RANBP17: variants seen among roughly 807,000 people sequenced by gnomAD.
RANBP17 encodes RAN binding protein 17, also known as ran-binding protein 17.
RANBP17 carries 158 observed loss-of-function variants against 141.2 expected under a neutral mutation model. That is an observed-to-expected ratio of 1.12 (90% confidence interval 0.98 to 1.28). The LOEUF is 1.28. Among genes scored for constraint, RANBP17 ranks in the 50% most tolerant of loss-of-function variants. The pLI is 0.00. For missense variants in RANBP17, 1,438 were observed against 1,290.7 expected (o/e 1.11, Z -1.75); for synonymous variants, 430 against 450.0 (o/e 0.96, Z 0.56).
intron 9 of RANBP17, 83 bp downstream of exon 9, chr5:170,916,667 A>C: frequency 1.2e-6 from 1 of 834,072 alleles, no homozygotes; most frequent in South Asian, 2.9e-5. Context: ...TCATGAATTT[A>C]TTATGATTCT....
chr5:171,209,029 T>C (rs972620144), intron 20 of RANBP17, among the ~76,000 whole-genome samples: 6 of 152,178 alleles, frequency 3.9e-5, no homozygotes, highest in African/African-American at 1.4e-4. Flanking sequence ...GTTTCTTATT[T>C]ACATAAATTA....
chr5:170,941,911 C>A (rs1774352682), intron 12 of RANBP17, among the ~76,000 whole-genome samples: 1 of 152,192 alleles, frequency 6.6e-6, no homozygotes, highest in African/African-American at 2.4e-5. Flanking sequence ...TGAACCGTCA[C>A]ATGTGTCCTC....
At chr5:171,263,638 C>G (rs893657016) in intron 24 of RANBP17, among the ~76,000 whole-genome samples, 1 of 152,190 alleles carries the variant, frequency 6.6e-6, no homozygotes, top group Non-Finnish European at 1.5e-5. Context: ...CTCTGTTGGC[C>G]TTCTCTTACA....
At chr5:170,880,293 C>G (rs1036905670) in intron 2 of RANBP17, among the ~76,000 whole-genome samples, 1 of 152,208 alleles carries the variant, frequency 6.6e-6, no homozygotes, top group Non-Finnish European at 1.5e-5. Context: ...CTCATCAAGA[C>G]TTAAGGAGAA....
chr5:171,223,660 A>G (rs746129691), intron 22 of RANBP17, among the ~76,000 whole-genome samples: 1 of 152,192 alleles, frequency 6.6e-6, no homozygotes, highest in Non-Finnish European at 1.5e-5. Context: ...AAATAAAATC[A>G]TATAAAGTGG....
chr5:171,240,468 A>G (rs1450328540), intron 22 of RANBP17, among the ~76,000 whole-genome samples: 2 of 152,198 alleles, frequency 1.3e-5, no homozygotes, highest in African/African-American at 4.8e-5. Context: ...CTAAAAATGA[A>G]GTAACTCAAG....
At chr5:170,954,672 AT>A (rs543967649) in intron 13 of RANBP17, among the ~76,000 whole-genome samples, 37 of 151,610 alleles carry the variant, frequency 2.4e-4, no homozygotes, top group African/African-American at 8.0e-4. Flanking sequence ...TTGTTCCTCA[AT>A]TTTTTTTATT....
At chr5:171,050,688 TA>T (rs113902744) in intron 14 of RANBP17, among the ~76,000 whole-genome samples, 11 of 149,742 alleles carry the variant, frequency 7.3e-5, no homozygotes, top group Non-Finnish European at 8.9e-5. Flanking sequence ...GACCCTATCT[TA>T]AAAAAAAAAT....
At chr5:170,959,927 C>T (rs970510420) in intron 13 of RANBP17, among the ~76,000 whole-genome samples, 2 of 152,162 alleles carry the variant, frequency 1.3e-5, no homozygotes, top group African/African-American at 2.4e-5. Context: ...ATAAGTGGAC[C>T]TGCACAGTTC....
At chr5:171,038,163 TG>T (rs759285519) in intron 14 of RANBP17, among the ~76,000 whole-genome samples, 1,140 of 17,248 alleles carry the variant, frequency 0.066, 4 homozygotes, top group Admixed American at 0.16. Context: ...TCTTAGGTAT[TG>T]TGTGTGTGTG....
At chr5:171,048,695 A>G (rs1328196115) in intron 14 of RANBP17, among the ~76,000 whole-genome samples, 2 of 151,520 alleles carry the variant, frequency 1.3e-5, no homozygotes, top group African/African-American at 4.9e-5. Flanking sequence ...TGTGTACTCA[A>G]TGTTTAGCTT....
intron 14 of RANBP17, among the ~76,000 whole-genome samples, chr5:171,150,372 A>T (rs1256691202): frequency 6.6e-6 from 1 of 152,088 alleles, no homozygotes. Context: ...TGATAACACT[A>T]ATAACAGATT....
chr5:171,006,242 CT>C (rs1385432459), intron 14 of RANBP17, among the ~76,000 whole-genome samples: 3 of 152,324 alleles, frequency 2.0e-5, no homozygotes, highest in South Asian at 4.1e-4. Context: ...CATCCCATTA[CT>C]GGGTATATAC....
intron 26 of RANBP17, among the ~76,000 whole-genome samples, chr5:171,295,058 A>C (rs1326423566): frequency 6.6e-6 from 1 of 152,218 alleles, no homozygotes; most frequent in Non-Finnish European, 1.5e-5. Context: ...GTCTGACTAC[A>C]TATTAATTAT....
At chr5:170,874,135 G>T (rs556338738) in intron 1 of RANBP17, among the ~76,000 whole-genome samples, 1 of 152,198 alleles carries the variant, frequency 6.6e-6, no homozygotes, top group African/African-American at 2.4e-5. Context: ...GTTAATTTCT[G>T]TGTAGTTGTG....
intron 14 of RANBP17, among the ~76,000 whole-genome samples, chr5:171,075,429 GA>G (rs1351476189): frequency 6.6e-6 from 1 of 152,080 alleles, no homozygotes; most frequent in Non-Finnish European, 1.5e-5. Context: ...AATGATAAAT[GA>G]AATAAGTCAC....
intron 14 of RANBP17, among the ~76,000 whole-genome samples, chr5:171,118,282 C>G (rs1196760044): frequency 6.6e-6 from 1 of 152,084 alleles, no homozygotes; most frequent in African/African-American, 2.4e-5. Context: ...AGTACCATAC[C>G]GTTTAGCTTA....
rs769532187 is a variant in RANBP17 at position 171,213,640 on chromosome 5, G to A, written c.2241G>A (p.Thr747=). The change falls in exon 21 of 28, where the codon ACG becomes ACA. Residue 747 remains threonine, a synonymous_variant. Coordinates refer to ENST00000523189, the MANE Select transcript of RANBP17 (RefSeq NM_022897.5). ...ACAGGCTTTATAAAAGGTACCCAAC[G>A]TACCTTCCCCTTCTTCAGAATGCTG... The part of the protein sequence containing the change: ...YTMLFDWMYP[T]YLPLLQNAVE... The A allele has an allele frequency of 8.1e-6, 13 of 1,612,738 alleles. No homozygotes were observed. Among genetic ancestry groups the A allele is most frequent in the Non-Finnish European group, 1.1e-5 (13 of 1,178,974 alleles).
At chr5:170,871,477 C>T (rs1013480771) in intron 1 of RANBP17, among the ~76,000 whole-genome samples, 2 of 152,150 alleles carry the variant, frequency 1.3e-5, no homozygotes, top group Non-Finnish European at 2.9e-5. Flanking sequence ...CTGTAGATTG[C>T]CTGTTCCCTC....
Sources: allele counts gnomAD v4.1 joint callset (sites outside exome capture counted in the v4.1 genomes callset), GRCh38; gene constraint gnomAD v4.1.1; transcripts MANE v1.5; gene names NCBI Gene and HGNC (gene_info 2026-07-23, HGNC 2026-07-21).